The following KIFAP3 variants were observed in gnomAD, a reference collection of about 807,000 sequenced individuals.
KIFAP3 encodes kinesin-associated protein 3.
KIFAP3 carries 68 observed loss-of-function variants against 106.5 expected under a neutral mutation model. The observed-to-expected ratio is 0.64, with a 90% CI of 0.53 to 0.78. The LOEUF is 0.78. Ranked by LOEUF, KIFAP3 falls within the 30% of genes least tolerant of loss-of-function variation. The pLI is 0.00. For missense variants in KIFAP3, 780 were observed against 941.8 expected (o/e 0.83, Z 2.25); for synonymous variants, 320 against 311.5 (o/e 1.03, Z -0.29).
At chr1:170,026,816 G>T (rs913166287) in intron 8 of KIFAP3, among the ~76,000 whole-genome samples, 2 of 152,142 alleles carry the variant, frequency 1.3e-5, no homozygotes, top group African/African-American at 4.8e-5. Context: ...GCCCTGAGAA[G>T]GGTCTTACCT....
chr1:169,949,713 G>A (rs189655208), intron 19 of KIFAP3, among the ~76,000 whole-genome samples: 2 of 152,174 alleles, frequency 1.3e-5, no homozygotes, highest in East Asian at 3.9e-4. Context: ...TCTAACACCA[G>A]TTCAGATTTT....
rs551136551 is a variant in KIFAP3 at position 169,988,130 on chromosome 1, T to A, written c.1285-3440A>T. Among the ~76,000 whole-genome samples the A allele has an allele frequency of 2.0e-5, 3 of 152,064 alleles. No homozygotes were observed. In the South Asian group the frequency reaches 6.2e-4, roughly 32 times the overall value. On this transcript the variant is annotated intron_variant, in intron 11 of 19. Transcript: ENST00000361580. ...CAAAGCAATATAATATTGGGAGAGATTATGAGACATGTTGTATATATAATC... is the reference window on the plus strand; with the variant it reads ...CAAAGCAATATAATATTGGGAGAGAATATGAGACATGTTGTATATATAATC...
At chr1:170,051,864 T>C (rs923957789) in intron 2 of KIFAP3, among the ~76,000 whole-genome samples, 1 of 152,180 alleles carries the variant, frequency 6.6e-6, no homozygotes, top group Non-Finnish European at 1.5e-5. Context: ...GGGAAATTTA[T>C]AGCACTAAAT....
At chr1:169,981,440 T>G (rs1414472328) in intron 15 of KIFAP3, among the ~76,000 whole-genome samples, 1 of 152,190 alleles carries the variant, frequency 6.6e-6, no homozygotes, top group East Asian at 1.9e-4. Flanking sequence ...ATGCTTGTAT[T>G]CAAGTAACCC....
intron 19 of KIFAP3, among the ~76,000 whole-genome samples, chr1:169,938,574 C>T (rs1054439436): frequency 3.9e-5 from 6 of 152,178 alleles, no homozygotes; most frequent in African/African-American, 1.4e-4. Context: ...CTGGCTCTGA[C>T]CTTTAAAACT....
At chr1:170,062,423 C>A (rs1488236103) in intron 1 of KIFAP3, among the ~76,000 whole-genome samples, 1 of 151,926 alleles carries the variant, frequency 6.6e-6, no homozygotes, top group African/African-American at 2.4e-5. Flanking sequence ...TACAAAACTT[C>A]TTTTGTTTTG....
At position 169,961,034 on chromosome 1, in the gene KIFAP3, T is replaced by G; in HGVS notation, c.2173+12A>C. Reference sequence around the variant, plus strand: ...CATATAATAAACTGTTTACTTTCGCTTTGGTTATCACCTGAGTTGTAGAAA... The same window carrying G: ...CATATAATAAACTGTTTACTTTCGCGTTGGTTATCACCTGAGTTGTAGAAA... On this transcript the variant is annotated intron_variant, in intron 18 of 19. Transcript: ENST00000361580. 6.2e-7 allele frequency: 1 copy of G among 1,606,942 alleles called. No individual in the cohort carries two copies. The highest frequency in any genetic ancestry group is 8.5e-7 in the Non-Finnish European group (1 of 1,176,288).
chr1:169,956,609 T>A (rs1235960596), intron 18 of KIFAP3, among the ~76,000 whole-genome samples: 2 of 134,418 alleles, frequency 1.5e-5, no homozygotes, highest in Admixed American at 1.6e-4. Context: ...CCACTGAAGT[T>A]CTTTTTTTTT....
intron 16 of KIFAP3, among the ~76,000 whole-genome samples, chr1:169,973,105 G>GTGTGTATATATATATATATATATATATA (rs145406203): frequency 7.8e-5 from 7 of 90,312 alleles, no homozygotes; most frequent in East Asian, 4.2e-4. Context: ...AAAATAGTGT[G>GTGTGTATATATATATATATATATATATA]TATATATATA....
chr1:169,948,897 T>C (rs182116206), intron 19 of KIFAP3, among the ~76,000 whole-genome samples: 3 of 152,066 alleles, frequency 2.0e-5, no homozygotes, highest in Admixed American at 1.3e-4. Flanking sequence ...AGACAGAGAA[T>C]ATGTAATTTT....
At chr1:170,023,764 A>G (rs1668972317) in intron 9 of KIFAP3, among the ~76,000 whole-genome samples, 1 of 152,080 alleles carries the variant, frequency 6.6e-6, no homozygotes, top group African/African-American at 2.4e-5. Flanking sequence ...ACACAGGTGA[A>G]AATGATATAT....
Position 170,046,869 on chromosome 1 carries a change from G to GT in KIFAP3, c.165-4dup, listed in dbSNP as rs1557861960. ...CATTGAGACTCTTAAGTCGAATGCT[G>GT]TAAGTATAACAGAATTTTTCAACTC... On this transcript the variant is annotated splice_polypyrimidine_tract_variant and splice_region_variant and intron_variant, in intron 2 of 19. Coordinates refer to ENST00000361580, the MANE Select transcript of KIFAP3 (RefSeq NM_014970.4). The GT allele has an allele frequency of 6.3e-7, 1 of 1,584,708 alleles. No individual in the cohort carries two copies. Among genetic ancestry groups the GT allele is most frequent in the South Asian group, 1.2e-5 (1 of 85,408 alleles).
intron 9 of KIFAP3, among the ~76,000 whole-genome samples, chr1:170,017,688 G>T (rs569535421): frequency 2.0e-5 from 3 of 152,302 alleles, no homozygotes; most frequent in African/African-American, 4.8e-5. Context: ...AGTCCAGGAG[G>T]TGATGTGGTC....
chr1:169,981,615 G>T (rs1666527912), intron 15 of KIFAP3, among the ~76,000 whole-genome samples: 1 of 152,008 alleles, frequency 6.6e-6, no homozygotes, highest in Non-Finnish European at 1.5e-5. Context: ...GTATATATAG[G>T]GTTTGATAGT....
At chr1:169,980,894 G>A (rs1666482249) in intron 15 of KIFAP3, among the ~76,000 whole-genome samples, 1 of 152,142 alleles carries the variant, frequency 6.6e-6, no homozygotes. Flanking sequence ...CTGAGGTCGG[G>A]AGTTCAAGAC....
chr1:170,073,433 G>A (rs1294073998), intron 1 of KIFAP3, among the ~76,000 whole-genome samples: 1 of 152,184 alleles, frequency 6.6e-6, no homozygotes, highest in African/African-American at 2.4e-5. Context: ...TTTCTGTGAT[G>A]ATGAGAGCTC....
chr1:170,039,360 G>T, intron 3 of KIFAP3, 72 bp from the exon 4 acceptor site: 2 of 810,878 alleles, frequency 2.5e-6, no homozygotes, highest in Non-Finnish European at 4.0e-6. Context: ...ATTTTCAGCA[G>T]CTGAGTTTAA....
intron 19 of KIFAP3, among the ~76,000 whole-genome samples, chr1:169,945,546 C>T (rs1207764923): frequency 6.6e-6 from 1 of 152,234 alleles, no homozygotes; most frequent in East Asian, 1.9e-4. Context: ...GCTGCCATCA[C>T]TAATAAAGTT....
At chr1:170,034,250 C>T (rs1271369426) in intron 7 of KIFAP3, 122 bp downstream of exon 7, 9 of 832,504 alleles carry the variant, frequency 1.1e-5, no homozygotes, top group Non-Finnish European at 1.7e-5. Context: ...CACACTCCTG[C>T]ATTGTTTCCA....
Sources: allele counts gnomAD v4.1 joint callset (sites outside exome capture counted in the v4.1 genomes callset), GRCh38; gene constraint gnomAD v4.1.1; transcripts MANE v1.5; gene names NCBI Gene and HGNC (gene_info 2026-07-23, HGNC 2026-07-21).